PRKCQ: variants seen among roughly 807,000 people sequenced by gnomAD.
PRKCQ encodes protein kinase C theta.
In PRKCQ, 41 loss-of-function variants were observed where a neutral mutation model predicts 91.2. The ratio of observed to expected loss-of-function variants is 0.45; its 90% CI spans 0.35 to 0.58. The LOEUF is 0.58. Ranked by LOEUF, PRKCQ falls within the 20% of genes least tolerant of loss-of-function variation. The pLI is 0.00. For missense variants in PRKCQ, 673 were observed against 896.5 expected, an observed-to-expected ratio of 0.75 and a Z score of 3.18; for synonymous variants, 307 against 316.9, an observed-to-expected ratio of 0.97 and a Z score of 0.33.
chr10:6,501,159 G>C (rs762055809), intron 4 of PRKCQ, among the ~76,000 whole-genome samples: 4 of 152,170 alleles, frequency 2.6e-5, no homozygotes, highest in Non-Finnish European at 5.9e-5. Flanking sequence ...TAATCTTGGA[G>C]ACCCAGAGTC....
the PRKCQ span, among the ~76,000 whole-genome samples, chr10:6,408,929 C>T: frequency 6.6e-6 from 1 of 152,206 alleles, no homozygotes; most frequent in African/African-American, 2.4e-5. Context: ...TGTTCAGATT[C>T]AGTTTTACTA....
intron 1 of PRKCQ, among the ~76,000 whole-genome samples, chr10:6,564,094 C>T (rs1366664141): frequency 6.6e-6 from 1 of 152,134 alleles, no homozygotes; most frequent in Admixed American, 6.5e-5. Context: ...CCAAGGGAAA[C>T]CTGAGTCTGG....
At chr10:6,570,754 C>T (rs771658998) in intron 1 of PRKCQ, among the ~76,000 whole-genome samples, 7 of 151,950 alleles carry the variant, frequency 4.6e-5, no homozygotes, top group Admixed American at 2.6e-4. Flanking sequence ...GGGGTTTCAC[C>T]GTGTTGGCCA....
At chr10:6,525,856 G>A (rs1839180077) in intron 1 of PRKCQ, among the ~76,000 whole-genome samples, 1 of 152,100 alleles carries the variant, frequency 6.6e-6, no homozygotes, top group Admixed American at 6.5e-5. Flanking sequence ...TGGCATGGGG[G>A]TGGGGTCAGG....
chr10:6,496,181 ACTC>A (rs1837576293), intron 7 of PRKCQ, among the ~76,000 whole-genome samples: 1 of 142,098 alleles, frequency 7.0e-6, no homozygotes, highest in Non-Finnish European at 1.5e-5. Flanking sequence ...ACACCACTGC[ACTC>A]CAGCCTGGGT....
At chr10:6,408,527 G>A in the PRKCQ span, among the ~76,000 whole-genome samples, 2 of 152,084 alleles carry the variant, frequency 1.3e-5, no homozygotes, top group Non-Finnish European at 2.9e-5. Context: ...GCTAATTTTT[G>A]TATTTTTAGT....
At chr10:6,432,906 C>T (rs1833493549) in intron 16 of PRKCQ, among the ~76,000 whole-genome samples, 1 of 152,086 alleles carries the variant, frequency 6.6e-6, no homozygotes, top group African/African-American at 2.4e-5. Flanking sequence ...CTCCTGCTTC[C>T]CTCCCCTCAT....
intron 1 of PRKCQ, among the ~76,000 whole-genome samples, chr10:6,577,274 TGCTTG>T (rs1394172742): frequency 6.6e-6 from 1 of 152,216 alleles, no homozygotes; most frequent in African/African-American, 2.4e-5. Flanking sequence ...CATGTATAAA[TGCTTG>T]GCATGTTAAA....
rs117650831 is a variant in PRKCQ, at chr10:6,573,432, C to T, written c.-10+6779G>A. Among the ~76,000 whole-genome samples the T allele has an allele frequency of 6.7e-3, 1,014 of 152,312 alleles. 12 individuals are homozygous for T. The highest frequency in any genetic ancestry group is 0.046 in the South Asian group (220 of 4,828). On this transcript the variant is annotated intron_variant, in intron 1 of 17. Coordinates refer to ENST00000263125, the MANE Select transcript of PRKCQ (RefSeq NM_006257.5). The stretch of plus-strand genomic sequence containing the variant: ...TTCCCATACATCTTCCATCCCCACC[C>T]GCGATACCTTGTCCTCTGAAAGCCT...
the PRKCQ span, among the ~76,000 whole-genome samples, chr10:6,405,388 G>A: frequency 6.6e-5 from 10 of 152,246 alleles, no homozygotes; most frequent in East Asian, 1.2e-3. Flanking sequence ...TCCGTTTGCC[G>A]TCCTCTCATC....
At chr10:6,449,498 G>A (rs1834526872) in intron 15 of PRKCQ, among the ~76,000 whole-genome samples, 1 of 152,090 alleles carries the variant, frequency 6.6e-6, no homozygotes, top group Non-Finnish European at 1.5e-5. Context: ...AACCAAGTTG[G>A]AAAACACTCT....
chr10:6,551,836 A>G (rs2130935939), intron 1 of PRKCQ, among the ~76,000 whole-genome samples: 1 of 152,386 alleles, frequency 6.6e-6, no homozygotes, highest in South Asian at 2.1e-4. Context: ...TTATGTACCC[A>G]GTAATGGGAT....
At chr10:6,536,671 C>G (rs1285562244) in intron 1 of PRKCQ, among the ~76,000 whole-genome samples, 1 of 152,190 alleles carries the variant, frequency 6.6e-6, no homozygotes, top group African/African-American at 2.4e-5. Flanking sequence ...AGAGCGGTAT[C>G]CAAATGGGGT....
At chr10:6,461,051 C>G (rs1395295119) in intron 14 of PRKCQ, among the ~76,000 whole-genome samples, 5 of 152,018 alleles carry the variant, frequency 3.3e-5, no homozygotes, top group African/African-American at 1.2e-4. Context: ...TCCATCCATC[C>G]AACCATCTGT....
intron 1 of PRKCQ, among the ~76,000 whole-genome samples, chr10:6,524,180 T>C (rs1203752394): frequency 6.6e-6 from 1 of 152,174 alleles, no homozygotes; most frequent in Non-Finnish European, 1.5e-5. Flanking sequence ...AGAGTGGGTG[T>C]TACTAGTTAC....
intron 1 of PRKCQ, among the ~76,000 whole-genome samples, chr10:6,555,604 G>C (rs532417826): frequency 2.7e-5 from 4 of 149,922 alleles, no homozygotes; most frequent in Non-Finnish European, 5.9e-5. Context: ...GAGGTTCAAA[G>C]CTTCAGCTGA....
At chr10:6,418,239 A>C in the PRKCQ span, among the ~76,000 whole-genome samples, 20 of 152,146 alleles carry the variant, frequency 1.3e-4, no homozygotes, top group African/African-American at 4.8e-4. Flanking sequence ...CATCTCTAAA[A>C]CCTCTGAGGC....
chr10:6,506,825 A>AG (rs1168250099), intron 4 of PRKCQ, among the ~76,000 whole-genome samples: 1 of 152,228 alleles, frequency 6.6e-6, no homozygotes, highest in Admixed American at 6.5e-5. Context: ...TTTTCTAAGT[A>AG]GGGGGATTTG....
At chr10:6,511,791 C>A (rs1666884834) in intron 2 of PRKCQ, among the ~76,000 whole-genome samples, 1 of 152,052 alleles carries the variant, frequency 6.6e-6, no homozygotes, top group South Asian at 2.1e-4. Flanking sequence ...GGGATCCTTT[C>A]TTGAGGAAGA....
Sources: allele counts gnomAD v4.1 joint callset (sites outside exome capture counted in the v4.1 genomes callset), GRCh38; gene constraint gnomAD v4.1.1; transcripts MANE v1.5; gene names NCBI Gene and HGNC (gene_info 2026-07-23, HGNC 2026-07-21).